Variants in FAM228B observed in about 807,000 individuals in gnomAD.
FAM228B encodes the protein family with sequence similarity 228 member B.
Under a neutral mutation model 42.6 loss-of-function variants are expected in FAM228B, and 38 were observed. The ratio of observed to expected loss-of-function variants is 0.89; its 90% CI spans 0.69 to 1.17. The LOEUF (loss-of-function observed/expected upper bound fraction) is 1.17. Among genes scored for constraint, FAM228B ranks in the 50% most tolerant of loss-of-function variants. The pLI, the probability that FAM228B is intolerant of heterozygous loss-of-function variation, is 0.00. For missense variants in FAM228B, 344 were observed against 367.3 expected, an observed-to-expected ratio of 0.94 and a Z score of 0.52; for synonymous variants, 109 against 122.3, an observed-to-expected ratio of 0.89 and a Z score of 0.72.
At chr2:24,155,531 A>ATATATATATATATTTTT (rs1558393367) in intron 7 of FAM228B, among the ~76,000 whole-genome samples, 1 of 13,044 alleles carries the variant, frequency 7.7e-5, no homozygotes, top group African/African-American at 2.2e-4. Flanking sequence ...ATATATATAT[A>ATATATATATATATTTTT]TTTTTTTTTT....
chr2:24,119,392 T>C (rs1246542985), upstream of FAM228B, among the ~76,000 whole-genome samples: 1 of 152,234 alleles, frequency 6.6e-6, no homozygotes, highest in Non-Finnish European at 1.5e-5. Context: ...TTCCAGTCCC[T>C]GAATCTACCT....
chr2:24,081,693 T>G (rs1157646735), intron 2 of FAM228B, among the ~76,000 whole-genome samples: 6 of 150,342 alleles, frequency 4.0e-5, no homozygotes, highest in African/African-American at 1.5e-4. Flanking sequence ...TGATACTGTT[T>G]TTTTTTTTTT....
In FAM228B at chr2:24,169,363, C is replaced by T. The variant is rs536502797; in HGVS notation, c.*22C>T. ...TTTTGTCACCTTCAAAAGGTTTCAG[C>T]AACCAAGGAGCACACACCCTGATCC... On this transcript the variant is annotated 3_prime_UTR_variant, in exon 11 of 11. Coordinates refer to ENST00000615575, the MANE Select transcript of FAM228B (RefSeq NM_001145710.2). This position sits in a 1 kb window ranked among gnomAD's most constrained non-coding sequence, Gnocchi z 4.2. The T allele has an allele frequency of 6.3e-4, 296 of 467,730 alleles. 4 individuals are homozygous for T. Among genetic ancestry groups the T allele is most frequent in the South Asian group, 4.3e-3 (276 of 64,246 alleles). 29.0% of individuals were successfully genotyped at this position (467,730 alleles called of 1,614,324 possible). A position where few individuals can be genotyped will look rare whatever the true frequency, so the allele number is the denominator to read the frequency against.
intron 5 of FAM228B, among the ~76,000 whole-genome samples, chr2:24,145,325 A>C (rs1267543138): frequency 6.6e-6 from 1 of 152,132 alleles, no homozygotes; most frequent in African/African-American, 2.4e-5. Context: ...AGCCTCCAAC[A>C]ACTGTACCCT....
chr2:24,153,227 C>T (rs1005423047), intron 7 of FAM228B, among the ~76,000 whole-genome samples: 1 of 152,126 alleles, frequency 6.6e-6, no homozygotes, highest in Admixed American at 6.5e-5. Flanking sequence ...AACAAAGTTC[C>T]CTTTCCTCTT....
chr2:24,104,582 C>T (rs2150997296), intron 3 of FAM228B, among the ~76,000 whole-genome samples: 1 of 151,994 alleles, frequency 6.6e-6, no homozygotes, highest in South Asian at 2.1e-4. Context: ...GCCTAATAGC[C>T]CTGCTTCTGT....
rs751940167 is a variant in FAM228B, at chr2:24,146,978, T to G, written c.578T>G (p.Leu193Arg). The part of the protein sequence containing the change: ...KEFKEVEKVQ[L>R]HSRFPQISNS... ...TTCAAAGAAGTTGAGAAGGTTCAGC[T>G]GCATTCCAGATTCCCACAAATTTCT... is the stretch of plus-strand genomic sequence containing the variant. Residue 193 changes from leucine (L) to arginine (R), a missense_variant, in exon 7 of 11, where the codon CTG becomes CGG. By Grantham distance (102) the Leu-to-Arg change is moderately radical. Transcript: ENST00000615575. The G allele has an allele frequency of 9.8e-5, 152 of 1,551,366 alleles. No homozygotes were observed. Among genetic ancestry groups the G allele is most frequent in the Non-Finnish European group, 1.5e-5 (17 of 1,146,840 alleles).
chr2:24,085,136 A>G (rs574156065), intron 2 of FAM228B: 2 of 152,156 alleles, frequency 1.3e-5, no homozygotes, highest in South Asian at 4.2e-4. Flanking sequence ...TGGCACATTT[A>G]TGTAACAGGC....
upstream of FAM228B, chr2:24,122,950 A>G (rs578157591): frequency 6.4e-6 from 1 of 155,974 alleles, no homozygotes; most frequent in East Asian, 1.9e-4. Context: ...AACACGACTA[A>G]AAGAGATTAT....
intron 2 of FAM228B, among the ~76,000 whole-genome samples, chr2:24,131,074 A>G (rs1247855884): frequency 1.3e-5 from 2 of 152,226 alleles, no homozygotes; most frequent in East Asian, 3.9e-4. Flanking sequence ...GGAATTCTTT[A>G]TTAAAGGGGA....
At chr2:24,134,558 T>C (rs1666532998) in intron 2 of FAM228B, among the ~76,000 whole-genome samples, 1 of 152,230 alleles carries the variant, frequency 6.6e-6, no homozygotes, top group African/African-American at 2.4e-5. Context: ...ACCATGTGAC[T>C]CTGGAAAAGA....
At chr2:24,089,837 T>A (rs1192716665) in intron 2 of FAM228B, among the ~76,000 whole-genome samples, 1 of 151,954 alleles carries the variant, frequency 6.6e-6, no homozygotes, top group Non-Finnish European at 1.5e-5. Flanking sequence ...TAGCCAGGTG[T>A]GGTGGCGCAT....
At chr2:24,156,097 G>T (rs144007064) in intron 7 of FAM228B, among the ~76,000 whole-genome samples, 328 of 152,330 alleles carry the variant, frequency 2.2e-3, no homozygotes, top group African/African-American at 7.0e-3. Flanking sequence ...TCAGAAGACT[G>T]TAGCAAGATG....
rs768837519 is a variant in FAM228B, at chr2:24,161,505, G to C, written c.687-1G>C. 5 of 1,496,030 alleles carry C rather than the reference G, an allele frequency of 3.3e-6. No homozygotes were observed. Among genetic ancestry groups the C allele is most frequent in the Non-Finnish European group, 4.6e-6 (5 of 1,098,066 alleles). The allele number at this position is 1,496,030 out of a possible 1,614,324, so 92.7% of individuals were successfully genotyped here. On this transcript the variant is annotated splice_acceptor_variant, in intron 7 of 10. Transcript: ENST00000615575. LOFTEE classifies it high-confidence loss of function. Reference sequence around the variant, plus strand: ...TTCTCACACTTGTTATCTTGTTAAAGGTTAAAGGTGAAAGTGAATTTTAAT... The same window carrying C: ...TTCTCACACTTGTTATCTTGTTAAACGTTAAAGGTGAAAGTGAATTTTAAT...
chr2:24,094,231 C>G (rs1482526747), intron 2 of FAM228B, among the ~76,000 whole-genome samples: 1 of 151,548 alleles, frequency 6.6e-6, no homozygotes, highest in Non-Finnish European at 1.5e-5. Context: ...TGCCACCACA[C>G]CTGGCTACTT....
At chr2:24,090,900 C>T (rs1009744381) in intron 2 of FAM228B, among the ~76,000 whole-genome samples, 1 of 152,268 alleles carries the variant, frequency 6.6e-6, no homozygotes, top group African/African-American at 2.4e-5. Context: ...GAACCTCCCA[C>T]CTCAGCCTCC....
chr2:24,094,805 C>T (rs1209925909), intron 2 of FAM228B, among the ~76,000 whole-genome samples: 1 of 152,126 alleles, frequency 6.6e-6, no homozygotes. Context: ...TTAAATATAT[C>T]AATTGGGCCG....
chr2:24,111,773 C>T (rs1157914286), intron 3 of FAM228B, among the ~76,000 whole-genome samples: 1 of 152,088 alleles, frequency 6.6e-6, no homozygotes, highest in Admixed American at 6.6e-5. Flanking sequence ...CATCCTCACC[C>T]ACTGGGACAC....
At chr2:24,120,283 CAACAAAACAA>C (rs558516591), upstream of FAM228B, among the ~76,000 whole-genome samples, 45 of 150,848 alleles carry the variant, frequency 3.0e-4, no homozygotes, top group Admixed American at 1.9e-3. Context: ...AAAAAAACAA[CAACAAAACAA>C]AACAAAACAA....
Sources: allele counts gnomAD v4.1 joint callset (sites outside exome capture counted in the v4.1 genomes callset), GRCh38; gene constraint gnomAD v4.1.1; non-coding constraint Gnocchi (gnomAD v3.1); transcripts MANE v1.5; gene names NCBI Gene and HGNC (gene_info 2026-07-23, HGNC 2026-07-21).